Variants in CC2D2A observed in about 807,000 individuals in gnomAD.
CC2D2A encodes the protein coiled-coil and C2 domain-containing protein 2A.
A neutral mutation model predicts 212.9 loss-of-function variants in CC2D2A; 155 were observed. The observed-to-expected ratio is 0.73, with a 90% confidence interval of 0.64 to 0.83. CC2D2A has a LOEUF of 0.83. CC2D2A is among the 40% of genes least tolerant of loss of function. The pLI, the probability that CC2D2A is intolerant of heterozygous loss-of-function variation, is 0.00. For synonymous variants in CC2D2A, 667 were observed against 686.5 expected (o/e 0.97, Z 0.44); for missense variants, 1,856 against 1,956.2 (o/e 0.95, Z 0.97).
At chr4:15,481,146 G>T in intron 4 of CC2D2A, 1 of 465,024 alleles carries the variant, frequency 2.2e-6, no homozygotes, top group South Asian at 1.6e-5. Flanking sequence ...TCATGAATTG[G>T]TTGGTGTTGT....
chr4:15,554,235 A>C (rs1334764923), intron 19 of CC2D2A, among the ~76,000 whole-genome samples: 1 of 152,208 alleles, frequency 6.6e-6, no homozygotes, highest in African/African-American at 2.4e-5. Flanking sequence ...TAAAGCTTTC[A>C]ACTCCTCAGA....
Position 15,555,224 on chromosome 4 carries a change from G to A in CC2D2A, c.2625+14G>A, listed in dbSNP as rs753388257. The A allele has an allele frequency of 6.8e-6, 11 of 1,609,002 alleles. No homozygotes were observed. In the South Asian group the frequency reaches 7.7e-5, roughly 11 times the overall value. ...CAGCTTATCTCGGTATGTAGCAGGA[G>A]GCACACATGCCATTTCTTGACTTGG... On this transcript the variant is annotated intron_variant, in intron 20 of 36. Coordinates refer to ENST00000424120, the MANE Select transcript of CC2D2A (RefSeq NM_001378615.1).
intron 16 of CC2D2A, among the ~76,000 whole-genome samples, 161 bp from the exon 17 acceptor site, chr4:15,540,676 T>A (rs1039297313): frequency 3.9e-5 from 6 of 152,220 alleles, no homozygotes; most frequent in African/African-American, 1.2e-4. Context: ...AATTCCATAC[T>A]ACTCTGCAAG....
At chr4:15,599,192 G>C (rs776785857) in intron 35 of CC2D2A, among the ~76,000 whole-genome samples, 1 of 152,106 alleles carries the variant, frequency 6.6e-6, no homozygotes, top group Non-Finnish European at 1.5e-5. Flanking sequence ...AACTTTTGCT[G>C]CATGTATTGA....
At chr4:15,496,519 C>G (rs1043994210) in intron 4 of CC2D2A, among the ~76,000 whole-genome samples, 1 of 152,012 alleles carries the variant, frequency 6.6e-6, no homozygotes, top group Admixed American at 6.6e-5. Flanking sequence ...TGTTAAAGAT[C>G]AGATGGTTGT....
At chr4:15,599,094 G>A (rs183182793) in intron 35 of CC2D2A, among the ~76,000 whole-genome samples, 27 of 152,132 alleles carry the variant, frequency 1.8e-4, no homozygotes, top group African/African-American at 6.3e-4. Context: ...CCCGAGAGTT[G>A]AGGATGCAGT....
Position 15,550,709 on chromosome 4 carries a change from G to A in CC2D2A, c.2182-115G>A, listed in dbSNP as rs182912322. On this transcript the variant is annotated intron_variant, in intron 17 of 36. Coordinates refer to ENST00000424120, the MANE Select transcript of CC2D2A (RefSeq NM_001378615.1). ...AACTCAACTTTCCACAATGAGATGA[G>A]CCCTTAGGGCTGGAACAGTGACCAG... 3,085 of 644,912 alleles carry A rather than the reference G, an allele frequency of 4.8e-3. 7 individuals carry two copies. Among genetic ancestry groups the A allele is most frequent in the Non-Finnish European group, 5.8e-3 (2,408 of 416,766 alleles). 39.9% of individuals were successfully genotyped at this position (644,912 alleles called of 1,614,324 possible). A position where few individuals can be genotyped will look rare whatever the true frequency, so the allele number is the denominator to read the frequency against.
intron 17 of CC2D2A, among the ~76,000 whole-genome samples, chr4:15,541,639 A>G (rs1306508089): frequency 6.6e-6 from 1 of 152,110 alleles, no homozygotes; most frequent in African/African-American, 2.4e-5. Context: ...ATATTTCAAC[A>G]TCACCCTCTA....
At chr4:15,590,515 A>C in intron 33 of CC2D2A, among the ~76,000 whole-genome samples, 1 of 152,186 alleles carries the variant, frequency 6.6e-6, no homozygotes, top group East Asian at 1.9e-4. Flanking sequence ...ACTCCATCTC[A>C]AAGAAAAATG....
chr4:15,559,249 C>G lies in CC2D2A; in HGVS notation c.2914C>G (p.Leu972Val). ...DTHRAIVAKY[L>V]QQVRESVINR... ...CCATAGGGCCATAGTAGCCAAGTAC[C>G]TCCAGCAGGTAAGAAAAATCATATA... Residue 972 changes from leucine (L) to valine (V), a missense_variant, in exon 22 of 37, where the codon CTC (leucine) becomes GTC (valine). By Grantham distance (32) the Leu-to-Val change is conservative. Transcript: ENST00000424120. 6.5e-7 allele frequency: 1 copy of G among 1,547,050 alleles called. No homozygotes were observed. The highest frequency in any genetic ancestry group is 8.8e-7 in the Non-Finnish European group (1 of 1,142,708).
At chr4:15,509,336 C>T (rs1716431123) in intron 6 of CC2D2A, among the ~76,000 whole-genome samples, 1 of 150,638 alleles carries the variant, frequency 6.6e-6, no homozygotes, top group Non-Finnish European at 1.5e-5. Context: ...TGCAGTGCTG[C>T]AATCTCAGCT....
At chr4:15,543,661 C>T (rs1718571774) in intron 17 of CC2D2A, 3 of 152,270 alleles carry the variant, frequency 2.0e-5, no homozygotes, top group Non-Finnish European at 2.9e-5. Context: ...GACACAGCCC[C>T]TGTGAGGTCC....
chr4:15,499,109 G>C (rs965561906), intron 4 of CC2D2A, among the ~76,000 whole-genome samples: 2 of 152,156 alleles, frequency 1.3e-5, no homozygotes, highest in African/African-American at 4.8e-5. Context: ...AAGTAGAGGG[G>C]AGGGAGGGCT....
rs762773584 is a variant in CC2D2A at position 15,557,382 on chromosome 4, G to A, written c.2704G>A (p.Asp902Asn). 2.5e-6 allele frequency: 4 copies of A among 1,613,634 alleles called. No homozygotes were observed. The highest frequency in any genetic ancestry group is 2.5e-6 in the Non-Finnish European group (3 of 1,179,710). The change falls in exon 21 of 37, where the codon GAT (aspartate) becomes AAT (asparagine). Residue 902 changes from aspartate (D) to asparagine (N), a missense_variant. Coordinates refer to ENST00000424120, the MANE Select transcript of CC2D2A (RefSeq NM_001378615.1). Reference sequence around the variant, plus strand: ...GCAACAGGAGTTTAACTTTGTTTCAGATCAAGAATTAAATAGATCCAAACG... The same window carrying A: ...GCAACAGGAGTTTAACTTTGTTTCAAATCAAGAATTAAATAGATCCAAACG... ...QLQQEFNFVS[D>N]QELNRSKRFR...
intron 19 of CC2D2A, among the ~76,000 whole-genome samples, chr4:15,554,421 C>T (rs564809751): frequency 7.2e-5 from 11 of 152,136 alleles, no homozygotes; most frequent in Non-Finnish European, 1.0e-4. Context: ...GTCCATTATC[C>T]GACTATTTTG....
intron 29 of CC2D2A, 70 bp downstream of exon 29, chr4:15,574,396 T>G (rs1373043347): frequency 8.3e-7 from 1 of 1,200,812 alleles, no homozygotes; most frequent in Non-Finnish European, 1.1e-6. Context: ...TAGGCTATAC[T>G]TTTATGAACT....
At chr4:15,592,959 CTTCA>C (rs1721175862) in intron 33 of CC2D2A, among the ~76,000 whole-genome samples, 1 of 152,202 alleles carries the variant, frequency 6.6e-6, no homozygotes, top group Non-Finnish European at 1.5e-5. Flanking sequence ...CTCTCCCTTA[CTTCA>C]TTCTACTTCA....
intron 11 of CC2D2A, chr4:15,519,242 G>C (rs373905402): frequency 8.4e-6 from 3 of 355,116 alleles, no homozygotes; most frequent in South Asian, 6.7e-5. Context: ...GAGGCAAAAT[G>C]ACACCAGTCT....
At chr4:15,577,057 C>T (rs1345846519) in intron 29 of CC2D2A, among the ~76,000 whole-genome samples, 1 of 152,148 alleles carries the variant, frequency 6.6e-6, no homozygotes, top group Non-Finnish European at 1.5e-5. Context: ...GCAGTGGTGC[C>T]ATCACAGCTT....
Sources: allele counts gnomAD v4.1 joint callset (sites outside exome capture counted in the v4.1 genomes callset), GRCh38; gene constraint gnomAD v4.1.1; transcripts MANE v1.5; gene names NCBI Gene and HGNC (gene_info 2026-07-23, HGNC 2026-07-21).